Variants in FOXN3 observed in about 807,000 individuals in gnomAD.
The protein encoded by FOXN3 is forkhead box N3.
FOXN3 carries 7 observed loss-of-function variants against 38.4 expected under a neutral mutation model. The observed-to-expected ratio is 0.18, with a 90% confidence interval of 0.10 to 0.34. The LOEUF is 0.34. Ranked by LOEUF, FOXN3 falls within the 10% of genes least tolerant of loss-of-function variation. The pLI is 1.00. For synonymous variants in FOXN3, 230 were observed against 242.2 expected, an observed-to-expected ratio of 0.95 and a Z score of 0.47; for missense variants, 456 against 613.4, an observed-to-expected ratio of 0.74 and a Z score of 2.71.
chr14:89,180,202 AG>A (rs960685391), intron 5 of FOXN3, among the ~76,000 whole-genome samples: 1 of 152,230 alleles, frequency 6.6e-6, no homozygotes, highest in Non-Finnish European at 1.5e-5. Flanking sequence ...TCTTGGAAGC[AG>A]GGGAATGATG....
chr14:89,394,685 G>A (rs143285555), intron 2 of FOXN3, among the ~76,000 whole-genome samples: 5 of 152,356 alleles, frequency 3.3e-5, no homozygotes, highest in East Asian at 3.9e-4. Flanking sequence ...ACATGCATGC[G>A]CTGAGCGCCC....
intron 3 of FOXN3, among the ~76,000 whole-genome samples, chr14:89,294,128 A>T (rs1265100121): frequency 6.6e-6 from 1 of 151,560 alleles, no homozygotes; most frequent in African/African-American, 2.4e-5. Flanking sequence ...TTCTGTTTCT[A>T]CTCCCAGGCC....
chr14:89,371,700 C>T (rs942602446), intron 2 of FOXN3, among the ~76,000 whole-genome samples: 13 of 152,010 alleles, frequency 8.6e-5, no homozygotes, highest in Non-Finnish European at 1.8e-4. Flanking sequence ...GGACTTCCAC[C>T]AAGCTCCACC....
At chr14:89,407,950 G>T (rs1261156454) in intron 2 of FOXN3, among the ~76,000 whole-genome samples, 1 of 152,182 alleles carries the variant, frequency 6.6e-6, no homozygotes, top group East Asian at 1.9e-4. Flanking sequence ...GGTATATCAA[G>T]TCATTATACG....
chr14:89,428,054 A>G (rs1249156651), intron 1 of FOXN3, among the ~76,000 whole-genome samples: 2 of 152,222 alleles, frequency 1.3e-5, no homozygotes, highest in Non-Finnish European at 2.9e-5. Context: ...CACGCCAAGA[A>G]ATAACTTCTC....
At chr14:89,262,824 T>C (rs746122582) in intron 4 of FOXN3, among the ~76,000 whole-genome samples, 3 of 152,232 alleles carry the variant, frequency 2.0e-5, no homozygotes, top group Non-Finnish European at 4.4e-5. Context: ...AGGGCTGATG[T>C]ATGGAGACTT....
chr14:89,264,785 A>G (rs1484275250), intron 4 of FOXN3, among the ~76,000 whole-genome samples: 1 of 152,164 alleles, frequency 6.6e-6, no homozygotes, highest in Non-Finnish European at 1.5e-5. Flanking sequence ...CTAACCCCAA[A>G]AGAAACAGAA....
chr14:89,186,929 G>T (rs1887823562), intron 4 of FOXN3, among the ~76,000 whole-genome samples: 1 of 152,200 alleles, frequency 6.6e-6, no homozygotes, highest in Non-Finnish European at 1.5e-5. Flanking sequence ...AAAGAGGCTT[G>T]CTCTGCCTGG....
At chr14:89,226,625 A>T (rs977777393) in intron 4 of FOXN3, among the ~76,000 whole-genome samples, 6 of 152,084 alleles carry the variant, frequency 3.9e-5, no homozygotes, top group Non-Finnish European at 8.8e-5. Flanking sequence ...TTATTGGTTG[A>T]CCTGTGCCTC....
At chr14:89,269,908 T>C (rs749110671) in intron 4 of FOXN3, among the ~76,000 whole-genome samples, 4 of 152,224 alleles carry the variant, frequency 2.6e-5, no homozygotes, top group Non-Finnish European at 4.4e-5. Context: ...CCGAGCCTTG[T>C]CTTCAGGGAG....
chr14:89,448,111 G>A (rs56796109), intron 1 of FOXN3, among the ~76,000 whole-genome samples: 3 of 151,882 alleles, frequency 2.0e-5, no homozygotes, highest in African/African-American at 2.4e-5. Flanking sequence ...TGTGCCTGCC[G>A]ATGCCTTTCT....
intron 4 of FOXN3, among the ~76,000 whole-genome samples, chr14:89,220,946 A>G (rs532635742): frequency 6.6e-6 from 1 of 152,260 alleles, no homozygotes; most frequent in East Asian, 1.9e-4. Context: ...AATTAATTAC[A>G]GCACTCTATG....
In FOXN3 at chr14:89,259,852, A is replaced by T. The variant is rs529882918; in HGVS notation, c.745+21098T>A. On this transcript the variant is annotated intron_variant, in intron 4 of 5. Coordinates refer to ENST00000557258, the MANE Select transcript of FOXN3 (RefSeq NM_005197.4). ...GAGGCCTATCTGAACTGCATATTAAATATGTTTTAAGATTACAAAAAGACT... is the reference window on the plus strand; with the variant it reads ...GAGGCCTATCTGAACTGCATATTAATTATGTTTTAAGATTACAAAAAGACT... Among the ~76,000 whole-genome samples the T allele has an allele frequency of 3.9e-5, 6 of 152,360 alleles. No individual in the cohort carries two copies. The South Asian group carries it at 1.2e-3, about 32-fold the overall frequency.
intron 1 of FOXN3, among the ~76,000 whole-genome samples, chr14:89,583,167 T>C (rs1412128137): frequency 6.6e-6 from 1 of 152,256 alleles, no homozygotes; most frequent in Non-Finnish European, 1.5e-5. Context: ...ATATGGTAGA[T>C]ATACGTTTAC....
intron 1 of FOXN3, among the ~76,000 whole-genome samples, chr14:89,474,200 T>A (rs756835177): frequency 1.4e-4 from 22 of 152,196 alleles, no homozygotes; most frequent in Non-Finnish European, 2.9e-4. Flanking sequence ...GTGGCCAAAA[T>A]AACTATACCA....
chr14:89,473,819 C>A (rs1893157164), intron 1 of FOXN3, among the ~76,000 whole-genome samples: 1 of 152,116 alleles, frequency 6.6e-6, no homozygotes, highest in Admixed American at 6.6e-5. Context: ...CCCACTAGAG[C>A]CAAGTTCAAC....
intron 1 of FOXN3, among the ~76,000 whole-genome samples, chr14:89,465,091 A>G (rs541203932): frequency 2.0e-5 from 3 of 152,312 alleles, no homozygotes; most frequent in Middle Eastern, 3.4e-3. Context: ...TGCAGCCGCC[A>G]CGTGAAGAAG....
intron 3 of FOXN3, among the ~76,000 whole-genome samples, chr14:89,341,384 C>A (rs1012958286): frequency 6.6e-6 from 1 of 152,168 alleles, no homozygotes; most frequent in Non-Finnish European, 1.5e-5. Flanking sequence ...GTGCTCTTCC[C>A]GGGTTACACA....
chr14:89,511,247 TTTTC>T (rs869191500), intron 1 of FOXN3, among the ~76,000 whole-genome samples: 932 of 11,224 alleles, frequency 0.083, 146 homozygotes, highest in East Asian at 0.16. Flanking sequence ...CTTTTCTTTC[TTTTC>T]TTTCTTTCTT....
Sources: allele counts gnomAD v4.1 joint callset (sites outside exome capture counted in the v4.1 genomes callset), GRCh38; gene constraint gnomAD v4.1.1; transcripts MANE v1.5; gene names NCBI Gene and HGNC (gene_info 2026-07-23, HGNC 2026-07-21).